The following CDON variants were observed in gnomAD, a reference collection of about 807,000 sequenced individuals.
CDON encodes the protein cell adhesion molecule-related/down-regulated by oncogenes.
In CDON, 73 loss-of-function variants were observed where a neutral mutation model predicts 120.9. That is an observed-to-expected ratio of 0.60 (90% CI 0.50 to 0.73). The LOEUF (loss-of-function observed/expected upper bound fraction) is 0.73, where lower values mean the gene tolerates loss of function less well. Among genes scored for constraint, CDON ranks in the 30% least tolerant of loss-of-function variants. The pLI is 0.00. For synonymous variants in CDON, 566 were observed against 573.5 expected, an observed-to-expected ratio of 0.99 and a Z score of 0.19; for missense variants, 1,470 against 1,587.3, an observed-to-expected ratio of 0.93 and a Z score of 1.26.
At chr11:126,033,711 C>G (rs1169856171) in intron 1 of CDON, among the ~76,000 whole-genome samples, 1 of 152,028 alleles carries the variant, frequency 6.6e-6, no homozygotes, top group Non-Finnish European at 1.5e-5. Context: ...TCATGCTGTC[C>G]ACAGGGGTTC....
intron 1 of CDON, among the ~76,000 whole-genome samples, chr11:126,040,975 G>A (rs1430403071): frequency 6.6e-6 from 1 of 151,760 alleles, no homozygotes; most frequent in African/African-American, 2.4e-5. Flanking sequence ...CGGATCACAA[G>A]GTCAGGAGTT....
At chr11:125,965,366 G>A (rs956062027) in intron 18 of CDON, among the ~76,000 whole-genome samples, 1 of 152,194 alleles carries the variant, frequency 6.6e-6, no homozygotes, top group Non-Finnish European at 1.5e-5. Flanking sequence ...TTAAAGGCAT[G>A]TGAGGGCTAC....
At chr11:126,017,826 T>C (rs1947514886) in intron 5 of CDON, among the ~76,000 whole-genome samples, 1 of 152,130 alleles carries the variant, frequency 6.6e-6, no homozygotes, top group African/African-American at 2.4e-5. Flanking sequence ...ATTCACTCTG[T>C]CACCTTGGCC....
Position 126,042,812 on chromosome 11 carries a change from C to T in CDON, c.-61-19275G>A, listed in dbSNP as rs116558983. Among the ~76,000 whole-genome samples, 521 of 152,152 alleles carry T rather than the reference C, an allele frequency of 3.4e-3. 1 individual carries two copies. The highest frequency in any genetic ancestry group is 0.012 in the African/African-American group (495 of 41,516). ...TCTTTTTTTGTATTTTAGTAGAGAC[C>T]GGGTTTCACCGTGTTGCGAAGGCTG... On this transcript the variant is annotated intron_variant, in intron 1 of 19. Coordinates refer to ENST00000531738, the MANE Select transcript of CDON (RefSeq NM_001378964.1).
At chr11:125,987,163 C>T (rs756446417) in intron 15 of CDON, among the ~76,000 whole-genome samples, 5 of 152,182 alleles carry the variant, frequency 3.3e-5, no homozygotes, top group African/African-American at 4.8e-5. Context: ...TGGTTTCCAA[C>T]CCCTTGCTAA....
intron 18 of CDON, among the ~76,000 whole-genome samples, chr11:125,970,216 C>T (rs1945936472): frequency 7.0e-6 from 1 of 143,286 alleles, no homozygotes. Context: ...TGCTCTGTCG[C>T]CAGGCTGGAG....
At position 126,005,914 on chromosome 11, in the gene CDON, C is replaced by T; in HGVS notation, c.1696G>A (p.Ala566Thr). The T allele has an allele frequency of 1.2e-6, 2 of 1,614,144 alleles. No individual in the cohort carries two copies. The highest frequency in any genetic ancestry group is 1.7e-6 in the Non-Finnish European group (2 of 1,180,026). The change falls in exon 9 of 20, where the codon GCA becomes ACA. Residue 566 changes from alanine to threonine, a missense_variant. Coordinates refer to ENST00000531738, the MANE Select transcript of CDON (RefSeq NM_001378964.1). ...VKVHPSAVES[A>T]PEKNASGISV... ...ATGCCGCTGGCGTTTTTCTCTGGTG[C>T]TGATTCCACTGCACTGGGATGGACC...
At chr11:126,028,706 G>GAATT (rs1555132911) in intron 1 of CDON, among the ~76,000 whole-genome samples, 4 of 118,860 alleles carry the variant, frequency 3.4e-5, no homozygotes, top group African/African-American at 5.7e-5. Flanking sequence ...CAGCTGCGGA[G>GAATT]AATTTATTTA....
At chr11:125,981,970 CTTTTTTTTTTTTTTTTTT>C (rs61446837) in intron 16 of CDON, among the ~76,000 whole-genome samples, 2 of 54,298 alleles carry the variant, frequency 3.7e-5, no homozygotes, top group South Asian at 9.2e-4. Context: ...ATTCTATTTT[CTTTTTTTTTTTTTTTTTT>C]TTTTTTTTTT....
rs376724826 is a variant in CDON, at chr11:125,961,063, C to A, written c.3674G>T (p.Ser1225Ile). The A allele has an allele frequency of 6.2e-7, 1 of 1,613,840 alleles. No homozygotes were observed. The highest frequency in any genetic ancestry group is 1.3e-5 in the African/African-American group (1 of 74,936). The part of the protein sequence containing the change: ...AHSETEINIV[S>I]WNALILPPVP... ...AGGTGGCAAAATAAGAGCATTCCAA[C>A]TTACAATGTTGATCTCTGTTTCTGA... Residue 1225 changes from serine (S) to isoleucine (I), a missense_variant, in exon 20 of 20, where the codon AGT becomes ATT. Transcript: ENST00000531738.
At chr11:126,031,334 T>A (rs531413664) in intron 1 of CDON, among the ~76,000 whole-genome samples, 1 of 152,334 alleles carries the variant, frequency 6.6e-6, no homozygotes, top group African/African-American at 2.4e-5. Flanking sequence ...TTTGCAATAA[T>A]GGCTCTTAGA....
intron 18 of CDON, among the ~76,000 whole-genome samples, chr11:125,965,100 G>C (rs1457566646): frequency 1.3e-5 from 2 of 151,922 alleles, no homozygotes; most frequent in African/African-American, 4.8e-5. Context: ...CTAATTTTTT[G>C]TGTGTATTTT....
intron 1 of CDON, among the ~76,000 whole-genome samples, chr11:126,030,922 CAAGT>C (rs1469754060): frequency 1.3e-5 from 2 of 152,156 alleles, no homozygotes; most frequent in African/African-American, 4.8e-5. Flanking sequence ...CTCTGCTTTT[CAAGT>C]AAGTATTCAT....
In CDON at chr11:125,994,257, G is replaced by A. The variant is rs201629942; in HGVS notation, c.2650+27C>T. 1.3e-4 allele frequency: 158 copies of A among 1,201,580 alleles called. No homozygotes were observed. The African/African-American group carries it at 2.1e-3, about 16-fold the overall frequency. 74.4% of individuals were successfully genotyped at this position (1,201,580 alleles called of 1,614,324 possible). A position where few individuals can be genotyped will look rare whatever the true frequency, so the allele number is the denominator to read the frequency against. ...CTTCTTTCTCCAAAGCGCCTTTACA[G>A]GGACTCCAGTGTGCCAGGGGACTTA... is the stretch of plus-strand genomic sequence containing the variant. On this transcript the variant is annotated intron_variant, in intron 14 of 19. Transcript: ENST00000531738.
intron 1 of CDON, among the ~76,000 whole-genome samples, chr11:126,038,496 A>G (rs2134811558): frequency 6.6e-6 from 1 of 152,172 alleles, no homozygotes; most frequent in East Asian, 1.9e-4. Flanking sequence ...TACTAAAAAT[A>G]CAAAAATTAG....
At chr11:125,971,411 T>TAAATAAATAAATAAATAAATA (rs11404576) in intron 18 of CDON, among the ~76,000 whole-genome samples, 189 of 149,030 alleles carry the variant, frequency 1.3e-3, no homozygotes, top group Admixed American at 3.2e-3. Flanking sequence ...AATAAATAAA[T>TAAATAAATAAATAAATAAATA]AATAATAATT....
chr11:126,030,178 A>T (rs1343136789), intron 1 of CDON, among the ~76,000 whole-genome samples: 1 of 152,226 alleles, frequency 6.6e-6, no homozygotes, highest in East Asian at 1.9e-4. Context: ...GAGGGAAGCT[A>T]AAGGTATACC....
At chr11:126,016,386 G>A (rs1947469009) in intron 6 of CDON, among the ~76,000 whole-genome samples, 1 of 152,098 alleles carries the variant, frequency 6.6e-6, no homozygotes, top group Non-Finnish European at 1.5e-5. Flanking sequence ...ATTGGTAAGA[G>A]CACCCAAAAA....
At chr11:125,996,073 G>C (rs1357713133) in intron 12 of CDON, among the ~76,000 whole-genome samples, 1 of 151,910 alleles carries the variant, frequency 6.6e-6, no homozygotes, top group Non-Finnish European at 1.5e-5. Context: ...ACTAAGCACT[G>C]AGTATTACAA....
Sources: allele counts gnomAD v4.1 joint callset (sites outside exome capture counted in the v4.1 genomes callset), GRCh38; gene constraint gnomAD v4.1.1; transcripts MANE v1.5; gene names NCBI Gene and HGNC (gene_info 2026-07-23, HGNC 2026-07-21).